The following CEP164 variants were observed in gnomAD, a reference collection of about 807,000 sequenced individuals.
The protein encoded by CEP164 is centrosomal protein 164, also known as centrosomal protein of 164 kDa.
Under a neutral mutation model 182.7 loss-of-function variants are expected in CEP164, and 162 were observed. That is an observed-to-expected ratio of 0.89 (90% confidence interval 0.78 to 1.01). The LOEUF is 1.01. CEP164 is among the 50% of genes least tolerant of loss of function. CEP164 has a pLI of 0.00. For missense variants in CEP164, 1,735 were observed against 1,790.4 expected, an observed-to-expected ratio of 0.97 and a Z score of 0.56; for synonymous variants, 661 against 690.0, an observed-to-expected ratio of 0.96 and a Z score of 0.66.
chr11:117,351,971 C>A lies in CEP164; in HGVS notation c.376C>A (p.Pro126Thr), dbSNP rs778037599. The change falls in exon 5 of 33, where the codon CCC (proline) becomes ACC (threonine). Residue 126 changes from proline (P) to threonine (T), a missense_variant. Pro to Thr is a conservative substitution (Grantham distance 38). Transcript: ENST00000278935. ...KEKKDKKDRD[P>T]PKSSLALGSS... ...AAAGAAAGACAAGAAGGACAGAGAC[C>A]CCCCCAAAAGTTCGCTGGTGAGTCA... The A allele has an allele frequency of 4.6e-5, 73 of 1,587,878 alleles. No homozygotes were observed. Among genetic ancestry groups the A allele is most frequent in the Non-Finnish European group, 6.2e-5 (72 of 1,166,714 alleles).
chr11:117,370,741 T>C (rs2042118401), intron 8 of CEP164, among the ~76,000 whole-genome samples: 1 of 152,000 alleles, frequency 6.6e-6, no homozygotes, highest in Non-Finnish European at 1.5e-5. Flanking sequence ...CAAAACCCCA[T>C]CTCTACTAAA....
At position 117,409,652 on chromosome 11, in the gene CEP164, C is replaced by G. The variant is rs2047102595; in HGVS notation, c.3783C>G (p.Ile1261Met). ...CCCCGAGTCTCACCTCCCGCAAGAT[C>G]CACGGGCTTAGCCACTCCCTCCGGC... ...DSTPSLTSRKIHGLSHSLRQI... is the reference protein window; with the variant it reads ...DSTPSLTSRKMHGLSHSLRQI... The change falls in exon 30 of 33, where the codon ATC (isoleucine) becomes ATG (methionine). Residue 1261 changes from isoleucine (I) to methionine (M), a missense_variant. By Grantham distance (10) the Ile-to-Met change is conservative. Transcript: ENST00000278935. The surrounding 1 kb of genome is among the most constrained non-coding windows in gnomAD (Gnocchi z 4.4). The G allele has an allele frequency of 6.2e-7, 1 of 1,611,974 alleles. No homozygotes were observed. Among genetic ancestry groups the G allele is most frequent in the East Asian group, 2.2e-5 (1 of 44,792 alleles).
chr11:117,356,544 G>T (rs746196536), intron 5 of CEP164: 2 of 1,289,298 alleles, frequency 1.6e-6, no homozygotes, highest in Non-Finnish European at 2.0e-6. Context: ...AGCACCCTCA[G>T]GCAGGGGCTA....
At chr11:117,388,599 G>C (rs947789189) in intron 15 of CEP164, among the ~76,000 whole-genome samples, 1 of 152,150 alleles carries the variant, frequency 6.6e-6, no homozygotes, top group African/African-American at 2.4e-5. Context: ...AGGCAGGCAG[G>C]CTGGCCCTTA....
chr11:117,397,602 T>C (rs1457030952), intron 27 of CEP164, among the ~76,000 whole-genome samples: 1 of 152,196 alleles, frequency 6.6e-6, no homozygotes, highest in African/African-American at 2.4e-5. Context: ...CAGTTCCACA[T>C]GGCTGGGGAG....
intron 5 of CEP164, among the ~76,000 whole-genome samples, chr11:117,357,512 C>T (rs1362673208): frequency 6.6e-6 from 1 of 151,230 alleles, no homozygotes; most frequent in Admixed American, 6.6e-5. Context: ...ACCTCCACCT[C>T]CTGGGTTCAA....
chr11:117,331,150 C>T (rs1458601133), intron 1 of CEP164, among the ~76,000 whole-genome samples: 1 of 152,136 alleles, frequency 6.6e-6, no homozygotes, highest in African/African-American at 2.4e-5. Context: ...TGCAGATGTG[C>T]AAAACTCTAG....
chr11:117,390,956 C>T (rs1231591087), intron 16 of CEP164, 43 bp from the exon 17 acceptor site: 3 of 1,613,804 alleles, frequency 1.9e-6, no homozygotes, highest in Non-Finnish European at 2.5e-6. Context: ...GGAGGCGACC[C>T]CAGGGTGCAC....
At chr11:117,345,897 G>A (rs1052058721) in intron 4 of CEP164, among the ~76,000 whole-genome samples, 6 of 152,162 alleles carry the variant, frequency 3.9e-5, no homozygotes, top group African/African-American at 1.4e-4. Context: ...ATGTTGGCCA[G>A]GCTGGCCTCA....
intron 20 of CEP164, among the ~76,000 whole-genome samples, chr11:117,393,534 A>G (rs923456327): frequency 9.9e-5 from 15 of 152,252 alleles, no homozygotes; most frequent in African/African-American, 3.6e-4. Context: ...AGGATCTACT[A>G]TCATTGTCTC....
intron 24 of CEP164, 125 bp from the exon 25 acceptor site, chr11:117,395,929 C>T (rs1238237772): frequency 7.2e-7 from 1 of 1,390,276 alleles, no homozygotes; most frequent in African/African-American, 1.4e-5. Context: ...ATTGTTCGTG[C>T]CTGAGCCCTT....
chr11:117,402,571 A>G (rs890458722), intron 27 of CEP164, among the ~76,000 whole-genome samples: 1 of 152,070 alleles, frequency 6.6e-6, no homozygotes, highest in Non-Finnish European at 1.5e-5. Context: ...GTGGTCTGAG[A>G]GACTGTTTGT....
At chr11:117,327,748 G>A (rs1053049953), upstream of CEP164, 1 of 152,260 alleles carries the variant, frequency 6.6e-6, no homozygotes, top group Admixed American at 6.5e-5. Context: ...GTGCACCGAA[G>A]GGACTTCGAG....
intron 1 of CEP164, among the ~76,000 whole-genome samples, chr11:117,332,917 A>G (rs527347): frequency 0.26 from 39,296 of 152,198 alleles, 5,243 homozygotes; most frequent in Admixed American, 0.29. Flanking sequence ...AGGGTGCCAT[A>G]ATTGACTAGT....
At chr11:117,379,218 A>G (rs1469056869) in intron 11 of CEP164, among the ~76,000 whole-genome samples, 1 of 152,160 alleles carries the variant, frequency 6.6e-6, no homozygotes, top group Non-Finnish European at 1.5e-5. Flanking sequence ...ACCGGGAGGT[A>G]CTCACAGGCA....
intron 27 of CEP164, among the ~76,000 whole-genome samples, chr11:117,398,477 G>C (rs2045757487): frequency 6.6e-6 from 1 of 152,168 alleles, no homozygotes; most frequent in African/African-American, 2.4e-5. Context: ...CTTTGTGTGG[G>C]GGCTCTGACC....
chr11:117,372,790 C>T (rs914119492), intron 9 of CEP164, among the ~76,000 whole-genome samples: 22 of 152,174 alleles, frequency 1.4e-4, no homozygotes, highest in Non-Finnish European at 2.9e-5. Context: ...AGAGAGAGAA[C>T]ATTGTGTGTC....
Position 117,409,355 on chromosome 11 carries a change from C to T in CEP164, c.3749-263C>T, listed in dbSNP as rs1592508891. On this transcript the variant is annotated intron_variant, in intron 29 of 32. Coordinates refer to ENST00000278935, the MANE Select transcript of CEP164 (RefSeq NM_014956.5). The surrounding 1 kb of genome is among the most constrained non-coding windows in gnomAD (Gnocchi z 4.4). ...CTGGCCTGTATGTGACAGAAGGGCC[C>T]TCTCCCCTTCCTTCTCTCTGGGGTC... The T allele has an allele frequency of 1.7e-6, 1 of 573,054 alleles. No individual in the cohort carries two copies. The highest frequency in any genetic ancestry group is 3.1e-6 in the Non-Finnish European group (1 of 324,188). 35.5% of individuals were successfully genotyped at this position (573,054 alleles called of 1,614,324 possible).
chr11:117,347,710 CAAAA>C (rs560974958), intron 4 of CEP164, among the ~76,000 whole-genome samples: 1 of 117,524 alleles, frequency 8.5e-6, no homozygotes, highest in African/African-American at 3.2e-5. Context: ...AACTCCATCT[CAAAA>C]AAAAAAAAAA....
Sources: gnomAD v4.1 joint callset for allele counts (sites outside exome capture counted in the v4.1 genomes callset) on GRCh38, gnomAD v4.1.1 for gene constraint, Gnocchi (gnomAD v3.1) non-coding constraint, MANE v1.5 for transcripts, NCBI Gene and HGNC (gene_info 2026-07-23, HGNC 2026-07-21) for gene names.